The following CFAP69 variants were observed in gnomAD, a reference collection of about 807,000 sequenced individuals.
The protein encoded by CFAP69 is cilia- and flagella-associated protein 69.
In CFAP69, 92 loss-of-function variants were observed where a neutral mutation model predicts 123.0. The observed-to-expected ratio is 0.75, with a 90% CI of 0.63 to 0.89. The LOEUF (loss-of-function observed/expected upper bound fraction) is 0.89, where lower values mean the gene tolerates loss of function less well. Ranked by LOEUF, CFAP69 falls within the 40% of genes least tolerant of loss-of-function variation. The probability of loss-of-function intolerance (pLI) is 0.00; values close to 1 mark genes in which losing one functional copy is unlikely to be tolerated. For missense variants in CFAP69, 1,067 were observed against 1,096.9 expected (o/e 0.97, Z 0.39); for synonymous variants, 380 against 364.3 (o/e 1.04, Z -0.49).
chr7:90,320,433 T>C, the CFAP69 span: 3 of 152,230 alleles, frequency 2.0e-5, no homozygotes, highest in Admixed American at 2.0e-4. Context: ...TAGGATGAGA[T>C]AGTGCAGGGC....
intron 17 of CFAP69, chr7:90,300,981 T>A (rs1177530223): frequency 1.3e-5 from 2 of 152,186 alleles, no homozygotes; most frequent in African/African-American, 4.8e-5. Flanking sequence ...TTTTCTTTTT[T>A]TTTTGGAGAC....
chr7:90,305,705 T>C (rs2117420639), intron 19 of CFAP69, among the ~76,000 whole-genome samples: 1 of 146,644 alleles, frequency 6.8e-6, no homozygotes, highest in South Asian at 2.2e-4. Context: ...TAAATAAGTT[T>C]TTATTTATTA....
At chr7:90,305,298 G>A (rs1027214226) in intron 19 of CFAP69, among the ~76,000 whole-genome samples, 11 of 146,194 alleles carry the variant, frequency 7.5e-5, no homozygotes, top group East Asian at 2.0e-4. Flanking sequence ...CCAAGATTGC[G>A]CCACTGCACT....
At chr7:90,273,065 C>G (rs1239186499) in intron 8 of CFAP69, among the ~76,000 whole-genome samples, 1 of 152,154 alleles carries the variant, frequency 6.6e-6, no homozygotes, top group Non-Finnish European at 1.5e-5. Flanking sequence ...CAACAAATAT[C>G]TACTATTAAT....
At chr7:90,319,449 C>T in the CFAP69 span, 1 of 398,472 alleles carries the variant, frequency 2.5e-6, no homozygotes, top group Admixed American at 4.4e-5. Context: ...AGTCTACATA[C>T]ATGTCCCAGA....
At position 90,299,966 on chromosome 7, in the gene CFAP69, A is replaced by G; in HGVS notation, c.1957A>G (p.Lys653Glu). ...TCATGTCAATGCTTGGCAAGGGAAG[A>G]AGGATCAGACAGCTGCTAGTCTTTT... ...AAHVNAWQGKKDQTAASLLIK... is the reference protein window; with the variant it reads ...AAHVNAWQGKEDQTAASLLIK... The change falls in exon 17 of 23, where the codon AAG (lysine) becomes GAG (glutamate). Residue 653 changes from lysine to glutamate, a missense_variant. Physicochemically the swap from Lys to Glu is moderately conservative, Grantham distance 56 (BLOSUM62 1). Transcript: ENST00000389297. 1 of 1,612,420 alleles carries G rather than the reference A, an allele frequency of 6.2e-7. No homozygotes were observed. Among genetic ancestry groups the G allele is most frequent in the South Asian group, 1.1e-5 (1 of 90,840 alleles).
chr7:90,301,805 A>G (rs1236527650), intron 17 of CFAP69: 1 of 152,146 alleles, frequency 6.6e-6, no homozygotes, highest in Admixed American at 6.6e-5. Context: ...GTGTGTCTTT[A>G]TGATAGAATG....
intron 5 of CFAP69, 150 bp downstream of exon 5, chr7:90,265,527 G>A: frequency 3.6e-6 from 2 of 551,398 alleles, no homozygotes; most frequent in East Asian, 3.0e-5. Flanking sequence ...CAGTGTGCTT[G>A]GTGATAATTC....
rs1473670025 is a variant in CFAP69, at chr7:90,264,105, ATAT to A, written c.357-1195_357-1193del. On this transcript the variant is annotated intron_variant, in intron 4 of 22. Transcript: ENST00000389297. Reference sequence around the variant, plus strand: ...GACTCCATCTCGAAAAAAAAAAAAAATATATATATATATATATATATATATATA... The same window carrying A: ...GACTCCATCTCGAAAAAAAAAAAAAAATATATATATATATATATATATATA... 7.1e-3 allele frequency among the ~76,000 whole-genome samples: 507 copies of A among 71,070 alleles called. 20 individuals carry two copies. Among genetic ancestry groups the A allele is most frequent in the East Asian group, 0.031 (51 of 1,666 alleles). 46.6% of individuals were successfully genotyped at this position (71,070 alleles called of 152,430 possible).
At chr7:90,282,073 A>G (rs1789573881) in intron 12 of CFAP69, among the ~76,000 whole-genome samples, 2 of 152,146 alleles carry the variant, frequency 1.3e-5, no homozygotes, top group Non-Finnish European at 2.9e-5. Context: ...GTGGGGGAAA[A>G]TCAAGGCCAG....
chr7:90,248,586 T>G (rs1159553414), intron 1 of CFAP69, among the ~76,000 whole-genome samples: 1 of 152,174 alleles, frequency 6.6e-6, no homozygotes, highest in Non-Finnish European at 1.5e-5. Flanking sequence ...TATTAGTAAA[T>G]AGGGAAAACA....
At chr7:90,260,801 T>C (rs2116729035) in intron 3 of CFAP69, among the ~76,000 whole-genome samples, 1 of 152,212 alleles carries the variant, frequency 6.6e-6, no homozygotes, top group East Asian at 1.9e-4. Flanking sequence ...TTTTTCTTCA[T>C]GTTAAACCGT....
chr7:90,276,990 C>G, intron 9 of CFAP69, 83 bp from the exon 10 acceptor site: 1 of 970,804 alleles, frequency 1.0e-6, no homozygotes, highest in Non-Finnish European at 1.5e-6. Flanking sequence ...GATAAATGTA[C>G]TTAAGTAGTA....
chr7:90,285,231 T>C (rs969110329), intron 13 of CFAP69, among the ~76,000 whole-genome samples: 1 of 152,084 alleles, frequency 6.6e-6, no homozygotes, highest in Non-Finnish European at 1.5e-5. Flanking sequence ...TCCAGCAGGC[T>C]CAGCTAGCCT....
At chr7:90,262,693 T>C (rs1436325414) in intron 4 of CFAP69, among the ~76,000 whole-genome samples, 12 of 152,050 alleles carry the variant, frequency 7.9e-5, no homozygotes, top group Non-Finnish European at 4.4e-5. Context: ...TGTAATGTAG[T>C]AGGGAGGAAT....
In CFAP69 at chr7:90,286,346, T is replaced by G. The variant is rs755228107; in HGVS notation, c.1603T>G (p.Ser535Ala). ...AGAAGCCATTGTTTTGGAAATCCAGTCTGATATATTACTTATCCTATCTGG... is the reference window on the plus strand; with the variant it reads ...AGAAGCCATTGTTTTGGAAATCCAGGCTGATATATTACTTATCCTATCTGG... The part of the protein sequence containing the change: ...KEEAIVLEIQ[S>A]DILLILSGLC... The change falls in exon 14 of 23, where the codon TCT (serine) becomes GCT (alanine). Residue 535 changes from serine to alanine, a missense_variant. Transcript: ENST00000389297. 9.2e-5 allele frequency: 148 copies of G among 1,611,262 alleles called. No individual in the cohort carries two copies. Among genetic ancestry groups the G allele is most frequent in the South Asian group, 2.1e-4 (19 of 90,798 alleles).
At chr7:90,285,300 C>T (rs762531908) in intron 13 of CFAP69, among the ~76,000 whole-genome samples, 6 of 152,144 alleles carry the variant, frequency 3.9e-5, no homozygotes, top group Non-Finnish European at 5.9e-5. Context: ...AATAGTCAGT[C>T]GCTCAGGGCC....
At chr7:90,295,953 T>C (rs1054401585) in intron 15 of CFAP69, among the ~76,000 whole-genome samples, 24 of 152,164 alleles carry the variant, frequency 1.6e-4, no homozygotes, top group African/African-American at 5.6e-4. Flanking sequence ...TGTCAGCATC[T>C]TGGTTTTGGT....
chr7:90,250,220 GAGAGAGAGAGAGAGA>G (rs2116545229), intron 1 of CFAP69, among the ~76,000 whole-genome samples: 1 of 134,924 alleles, frequency 7.4e-6, no homozygotes, highest in East Asian at 3.9e-4. Flanking sequence ...GAGAGAGAGA[GAGAGAGAGAGAGAGA>G]CTCCTTGGTT....
Sources: allele counts gnomAD v4.1 joint callset (sites outside exome capture counted in the v4.1 genomes callset), GRCh38; gene constraint gnomAD v4.1.1; transcripts MANE v1.5; gene names NCBI Gene and HGNC (gene_info 2026-07-23, HGNC 2026-07-21).